CSMD3: variants seen among roughly 807,000 people sequenced by gnomAD.
The protein encoded by CSMD3 is CUB and sushi domain-containing protein 3.
A neutral mutation model predicts 435.2 loss-of-function variants in CSMD3; 177 were observed. The observed-to-expected ratio is 0.41, with a 90% CI of 0.36 to 0.46. The LOEUF (loss-of-function observed/expected upper bound fraction) is 0.46. Among genes scored for constraint, CSMD3 ranks in the 20% least tolerant of loss-of-function variants. The probability of loss-of-function intolerance (pLI) is 0.34; values close to 1 mark genes in which losing one functional copy is unlikely to be tolerated. For missense variants in CSMD3, 4,265 were observed against 4,504.6 expected, an observed-to-expected ratio of 0.95 and a Z score of 1.52; for synonymous variants, 1,656 against 1,520.5, an observed-to-expected ratio of 1.09 and a Z score of -2.07.
chr8:113,278,859 C>A (rs1297238341), intron 2 of CSMD3, among the ~76,000 whole-genome samples, 155 bp from the exon 3 acceptor site: 1 of 151,684 alleles, frequency 6.6e-6, no homozygotes, highest in Non-Finnish European at 1.5e-5. Context: ...GATTTCAGCC[C>A]AGTTAAACTC....
chr8:112,292,476 A>T (rs1054343394), intron 55 of CSMD3, 61 bp downstream of exon 55: 1 of 1,540,242 alleles, frequency 6.5e-7, no homozygotes, highest in Non-Finnish European at 9.0e-7. Context: ...TAAGTGTGTC[A>T]CTGATGTTTA....
At chr8:112,511,035 C>G (rs578252669) in intron 28 of CSMD3, among the ~76,000 whole-genome samples, 1 of 152,032 alleles carries the variant, frequency 6.6e-6, no homozygotes, top group Non-Finnish European at 1.5e-5. Context: ...ATAGCAAATG[C>G]GTATACAGGC....
At chr8:112,928,609 A>C (rs1226414615) in intron 9 of CSMD3, among the ~76,000 whole-genome samples, 1 of 150,820 alleles carries the variant, frequency 6.6e-6, no homozygotes, top group Non-Finnish European at 1.5e-5. Flanking sequence ...CCTACAAAGG[A>C]CATGAACTCA....
chr8:112,389,659 T>C (rs1014020810), intron 36 of CSMD3, among the ~76,000 whole-genome samples: 6 of 152,194 alleles, frequency 3.9e-5, no homozygotes, highest in African/African-American at 1.4e-4. Context: ...TCTAATTTCA[T>C]TATTAATGCA....
chr8:112,833,766 G>A (rs1385447960), intron 11 of CSMD3, among the ~76,000 whole-genome samples: 1 of 151,530 alleles, frequency 6.6e-6, no homozygotes, highest in Non-Finnish European at 1.5e-5. Context: ...TTGTTTTCTT[G>A]TGAACTAATA....
At chr8:113,269,505 G>A (rs552283860) in intron 3 of CSMD3, among the ~76,000 whole-genome samples, 26 of 151,996 alleles carry the variant, frequency 1.7e-4, no homozygotes, top group Admixed American at 1.4e-3. Flanking sequence ...TCACCAAGTC[G>A]ATCCTAAGCC....
rs545210097 is a variant in CSMD3, at chr8:112,372,029, A to G, written c.6136+8323T>C. On this transcript the variant is annotated intron_variant, in intron 38 of 70. Coordinates refer to ENST00000297405, the MANE Select transcript of CSMD3 (RefSeq NM_198123.2). The stretch of plus-strand genomic sequence containing the variant: ...TGAAGACTACTTGATAACAAAATAC[A>G]AAAACAAACACAGGCTAAAACAAAA... 1.8e-3 allele frequency among the ~76,000 whole-genome samples: 267 copies of G among 152,302 alleles called. 2 individuals are homozygous for G. The highest frequency in any genetic ancestry group is 2.6e-3 in the Non-Finnish European group (177 of 68,014).
At chr8:113,296,563 G>A (rs1423820085) in intron 2 of CSMD3, among the ~76,000 whole-genome samples, 1 of 151,956 alleles carries the variant, frequency 6.6e-6, no homozygotes, top group African/African-American at 2.4e-5. Context: ...AACAGAAAGA[G>A]AGCTTCTGAA....
At chr8:112,544,834 T>G (rs1456349751) in intron 27 of CSMD3, among the ~76,000 whole-genome samples, 1 of 152,224 alleles carries the variant, frequency 6.6e-6, no homozygotes, top group African/African-American at 2.4e-5. Flanking sequence ...AAGAAATGAA[T>G]GTTCAGTACA....
chr8:113,143,139 A>G (rs1031918572), intron 4 of CSMD3, among the ~76,000 whole-genome samples: 2 of 151,258 alleles, frequency 1.3e-5, no homozygotes, highest in Non-Finnish European at 3.0e-5. Flanking sequence ...AAACAATCCA[A>G]TTTGAAAATG....
chr8:113,217,117 A>G (rs2092914506), intron 3 of CSMD3, among the ~76,000 whole-genome samples: 1 of 151,514 alleles, frequency 6.6e-6, no homozygotes, highest in South Asian at 2.1e-4. Context: ...CCAAGCCATA[A>G]CATTTCTCTT....
chr8:112,244,219 A>G (rs965882590), intron 65 of CSMD3, among the ~76,000 whole-genome samples, 175 bp downstream of exon 65: 1 of 152,126 alleles, frequency 6.6e-6, no homozygotes, highest in Admixed American at 6.6e-5. Context: ...CTATGAATAG[A>G]CTCATAAAAT....
At chr8:112,765,145 AAGG>A (rs1265625933) in intron 13 of CSMD3, among the ~76,000 whole-genome samples, 1 of 151,716 alleles carries the variant, frequency 6.6e-6, no homozygotes, top group Admixed American at 6.6e-5. Context: ...TAAAAGTAAA[AAGG>A]AGAAGGAACA....
chr8:112,937,020 G>A (rs1359550022), intron 9 of CSMD3, among the ~76,000 whole-genome samples: 3 of 152,060 alleles, frequency 2.0e-5, no homozygotes, highest in Non-Finnish European at 4.4e-5. Flanking sequence ...AGGTAAAGTA[G>A]ACAATCTATA....
Position 113,098,910 on chromosome 8 carries a change from G to A in CSMD3, c.763C>T (p.Pro255Ser), listed in dbSNP as rs778799446. Residue 255 changes from proline to serine, a missense_variant, in exon 5 of 71, where the codon CCT becomes TCT. Pro to Ser is a moderately conservative substitution (Grantham distance 74, BLOSUM62 -1). This residue lies in a region of CSMD3 where 731 missense variants were observed against 755.4 expected (regional missense o/e 0.97). Transcript: ENST00000297405. Reference sequence around the variant, plus strand: ...TTATGGTACTCATTAGGAAAACTAGGGCTGGATATGATGCCACTGGATCCT... The same window carrying A: ...TTATGGTACTCATTAGGAAAACTAGAGCTGGATATGATGCCACTGGATCCT... ...MRGSSGIISS[P>S]SFPNEYHNNA... The A allele has an allele frequency of 3.2e-5, 52 of 1,612,560 alleles. No homozygotes were observed.
intron 3 of CSMD3, among the ~76,000 whole-genome samples, chr8:113,263,937 T>C (rs2093447486): frequency 6.6e-6 from 1 of 151,678 alleles, no homozygotes; most frequent in Non-Finnish European, 1.5e-5. Context: ...TAGTATAATG[T>C]ATAGCCACCA....
intron 5 of CSMD3, among the ~76,000 whole-genome samples, chr8:113,021,754 T>C (rs1212408536): frequency 6.6e-6 from 1 of 152,202 alleles, no homozygotes; most frequent in East Asian, 1.9e-4. Context: ...CAACTTGAAT[T>C]TACTTTCAGT....
At chr8:112,406,779 A>T in intron 34 of CSMD3, 52 bp from the exon 35 acceptor site, 1 of 1,176,478 alleles carries the variant, frequency 8.5e-7, no homozygotes, top group Non-Finnish European at 1.2e-6. Flanking sequence ...ACAAATACAG[A>T]TTTCAAAATG....
At chr8:113,115,206 T>A (rs547838178) in intron 4 of CSMD3, among the ~76,000 whole-genome samples, 169 of 152,326 alleles carry the variant, frequency 1.1e-3, no homozygotes, top group African/African-American at 3.8e-3. Flanking sequence ...GAGGAATAGA[T>A]CTGACCAGTC....
Sources: gnomAD v4.1 joint callset for allele counts (sites outside exome capture counted in the v4.1 genomes callset) on GRCh38, gnomAD v4.1.1 for gene constraint, gnomAD v4.1.1 regional missense constraint, MANE v1.5 for transcripts, NCBI Gene and HGNC (gene_info 2026-07-23, HGNC 2026-07-21) for gene names.